The following RNF2 variants were observed in gnomAD, a reference collection of about 807,000 sequenced individuals.
RNF2 encodes the protein ring finger protein 2, also known as E3 ubiquitin-protein ligase RING2.
In RNF2, 6 loss-of-function variants were observed where a neutral mutation model predicts 37.2. The observed-to-expected ratio is 0.16, with a 90% CI of 0.09 to 0.32. The LOEUF is 0.32. Ranked by LOEUF, RNF2 falls within the 10% of genes least tolerant of loss-of-function variation. The pLI, the probability that RNF2 is intolerant of heterozygous loss-of-function variation, is 1.00. For missense variants in RNF2, 251 were observed against 404.0 expected (o/e 0.62, Z 3.25); for synonymous variants, 133 against 132.7 (o/e 1.00, Z -0.02).
At chr1:185,092,163 TCTTTCCC>T (rs754219495) in intron 3 of RNF2, among the ~76,000 whole-genome samples, 88 of 151,274 alleles carry the variant, frequency 5.8e-4, no homozygotes, top group Non-Finnish European at 9.7e-4. Flanking sequence ...TCCTTTTTCT[TCTTTCCC>T]CTTTCCCCTT....
chr1:185,096,479 C>T (rs1651914262), intron 4 of RNF2, among the ~76,000 whole-genome samples: 1 of 152,122 alleles, frequency 6.6e-6, no homozygotes, highest in Admixed American at 6.5e-5. Flanking sequence ...TTCCCGGTAA[C>T]TGTCATTCTA....
In RNF2 at chr1:185,054,777, A is replaced by G. The variant is rs951604278; in HGVS notation, c.-3+9128A>G. 2.0e-5 allele frequency among the ~76,000 whole-genome samples: 3 copies of G among 152,134 alleles called. No individual in the cohort carries two copies. In the East Asian group the frequency reaches 5.8e-4, roughly 29 times the overall value. On this transcript the variant is annotated intron_variant, in intron 1 of 6. Transcript: ENST00000367510. ...CAGTGGCGCGATCTCAGCTCACTGCATCCTCCGCCTGCCGGGGTCAAGCGA... is the reference window on the plus strand; with the variant it reads ...CAGTGGCGCGATCTCAGCTCACTGCGTCCTCCGCCTGCCGGGGTCAAGCGA...
intron 1 of RNF2, among the ~76,000 whole-genome samples, chr1:185,087,117 G>T (rs1651624002): frequency 6.6e-6 from 1 of 152,048 alleles, no homozygotes; most frequent in South Asian, 2.1e-4. Flanking sequence ...TTATTCTCAA[G>T]ATTAACAATT....
At chr1:185,053,136 C>G in intron 1 of RNF2, among the ~76,000 whole-genome samples, 1 of 152,152 alleles carries the variant, frequency 6.6e-6, no homozygotes, top group African/African-American at 2.4e-5. Flanking sequence ...CCACCAGGCT[C>G]TGCTCTAGGA....
chr1:185,086,926 T>G (rs541572730), intron 1 of RNF2, among the ~76,000 whole-genome samples: 3 of 152,314 alleles, frequency 2.0e-5, no homozygotes, highest in Admixed American at 2.0e-4. Context: ...AAGACAATCT[T>G]GTATACATTC....
intron 1 of RNF2, among the ~76,000 whole-genome samples, chr1:185,074,356 G>A (rs1051032035): frequency 3.3e-5 from 5 of 152,024 alleles, no homozygotes; most frequent in Admixed American, 1.3e-4. Context: ...GGGTAGGATG[G>A]GACTGTAGGG....
At chr1:185,078,385 G>GTGAA (rs1401527187) in intron 1 of RNF2, among the ~76,000 whole-genome samples, 3 of 152,060 alleles carry the variant, frequency 2.0e-5, no homozygotes, top group Non-Finnish European at 4.4e-5. Flanking sequence ...ACCTCTTCTT[G>GTGAA]TGAATGTTCC....
At chr1:185,078,942 G>A (rs571848930) in intron 1 of RNF2, among the ~76,000 whole-genome samples, 91 of 152,252 alleles carry the variant, frequency 6.0e-4, no homozygotes, top group African/African-American at 2.1e-3. Context: ...TACTTGGGAG[G>A]CTGAGGCAGG....
intron 1 of RNF2, among the ~76,000 whole-genome samples, chr1:185,069,346 A>G (rs1557964281): frequency 6.6e-6 from 1 of 151,884 alleles, no homozygotes; most frequent in Non-Finnish European, 1.5e-5. Context: ...AGTCTCAGCT[A>G]CTTGGGAGGC....
chr1:185,097,851 G>A (rs1248195235), intron 4 of RNF2, among the ~76,000 whole-genome samples: 1 of 152,200 alleles, frequency 6.6e-6, no homozygotes, highest in Non-Finnish European at 1.5e-5. Context: ...ATTATTAAGT[G>A]AATAGAAACA....
chr1:185,047,782 AAAAT>A (rs1017602816), intron 1 of RNF2, among the ~76,000 whole-genome samples: 2 of 152,236 alleles, frequency 1.3e-5, no homozygotes, highest in African/African-American at 4.8e-5. Flanking sequence ...TTTTAAAAGA[AAAAT>A]AAGAGATTAT....
At chr1:185,077,621 C>CTTTTTTTTTTTTTTT (rs1553241118) in intron 1 of RNF2, among the ~76,000 whole-genome samples, 1 of 111,588 alleles carries the variant, frequency 9.0e-6, no homozygotes, top group African/African-American at 3.9e-5. Context: ...TAGGAATTAA[C>CTTTTTTTTTTTTTTT]TTTGTTTTTT....
chr1:185,076,269 T>G (rs1472765673), intron 1 of RNF2, among the ~76,000 whole-genome samples: 1 of 20,966 alleles, frequency 4.8e-5, no homozygotes, highest in African/African-American at 2.7e-4. Flanking sequence ...TTATGGGTTG[T>G]TTTTTTTTTT....
At position 185,100,711 on chromosome 1, in the gene RNF2, T is replaced by A. The variant is rs16865296; in HGVS notation, c.*410T>A. 14,970 of 153,314 alleles carry A rather than the reference T, an allele frequency of 0.098. 954 individuals are homozygous for A. The highest frequency in any genetic ancestry group is 0.26 in the East Asian group (1,360 of 5,210). The allele number at this position is 153,314 out of a possible 1,614,324, so 9.5% of individuals were successfully genotyped here. ...TTAAATATTATGTATTCTGACTTTT[T>A]TTTTCCCCCGGAGTCTTGTATATTT... On this transcript the variant is annotated 3_prime_UTR_variant, in exon 7 of 7. Coordinates refer to ENST00000367510, the MANE Select transcript of RNF2 (RefSeq NM_007212.4).
At chr1:185,087,487 A>G in intron 1 of RNF2, 65 bp from the exon 2 acceptor site, 1 of 1,344,448 alleles carries the variant, frequency 7.4e-7, no homozygotes, top group Non-Finnish European at 1.1e-6. Context: ...TGGGACACAT[A>G]CATTCAGACC....
At chr1:185,058,916 A>G (rs207460762) in intron 1 of RNF2, among the ~76,000 whole-genome samples, 1 of 152,218 alleles carries the variant, frequency 6.6e-6, no homozygotes, top group Non-Finnish European at 1.5e-5. Context: ...GATTTCCAGT[A>G]TATATGAAGT....
At chr1:185,059,048 T>C (rs1571297327) in intron 1 of RNF2, among the ~76,000 whole-genome samples, 1 of 152,346 alleles carries the variant, frequency 6.6e-6, no homozygotes, top group Middle Eastern at 3.4e-3. Flanking sequence ...GGTCCCTGGC[T>C]TTCTTTCAGC....
intron 2 of RNF2, among the ~76,000 whole-genome samples, chr1:185,091,163 T>G (rs1480334623): frequency 1.3e-5 from 2 of 152,218 alleles, no homozygotes; most frequent in Non-Finnish European, 2.9e-5. Flanking sequence ...GTGGACGTTT[T>G]CTGAGGGTTA....
intron 1 of RNF2, among the ~76,000 whole-genome samples, chr1:185,080,937 C>T (rs1484788659): frequency 6.6e-6 from 1 of 152,192 alleles, no homozygotes; most frequent in Non-Finnish European, 1.5e-5. Flanking sequence ...GTCACAGTTA[C>T]AGGTTGGGAC....
Sources: gnomAD v4.1 joint callset for allele counts (sites outside exome capture counted in the v4.1 genomes callset) on GRCh38, gnomAD v4.1.1 for gene constraint, MANE v1.5 for transcripts, NCBI Gene and HGNC (gene_info 2026-07-23, HGNC 2026-07-21) for gene names.